ANKS1B: variants seen among roughly 807,000 people sequenced by gnomAD.
The protein encoded by ANKS1B is ankyrin repeat and sterile alpha motif domain containing 1B.
A neutral mutation model predicts 148.3 loss-of-function variants in ANKS1B; 36 were observed. The observed-to-expected ratio is 0.24, with a 90% CI of 0.19 to 0.32. ANKS1B has a LOEUF of 0.32. Ranked by LOEUF, ANKS1B falls within the 10% of genes least tolerant of loss-of-function variation. ANKS1B has a pLI of 1.00. For synonymous variants in ANKS1B, 542 were observed against 560.8 expected, an observed-to-expected ratio of 0.97 and a Z score of 0.47; for missense variants, 1,157 against 1,542.6, an observed-to-expected ratio of 0.75 and a Z score of 4.19.
At chr12:99,134,524 T>G (rs930610670) in intron 15 of ANKS1B, among the ~76,000 whole-genome samples, 7 of 151,378 alleles carry the variant, frequency 4.6e-5, no homozygotes, top group African/African-American at 1.5e-4. Flanking sequence ...GAGGATGAAT[T>G]TAAAGGTCTG....
intron 8 of ANKS1B, among the ~76,000 whole-genome samples, chr12:99,736,364 C>CA (rs995942364): frequency 2.5e-3 from 301 of 118,584 alleles, no homozygotes; most frequent in African/African-American, 8.4e-3. Context: ...GAAACCACCA[C>CA]AAAAAAAAAC....
intron 12 of ANKS1B, among the ~76,000 whole-genome samples, chr12:99,344,663 T>C (rs1478183972): frequency 1.3e-5 from 2 of 152,098 alleles, no homozygotes; most frequent in East Asian, 1.9e-4. Flanking sequence ...AAATATCCTT[T>C]GTATCTAATT....
chr12:98,748,790 G>A (rs530792132), intron 26 of ANKS1B, among the ~76,000 whole-genome samples: 1 of 152,288 alleles, frequency 6.6e-6, no homozygotes, highest in Non-Finnish European at 1.5e-5. Context: ...TATTCTATGA[G>A]CTCTTATGCC....
At chr12:98,892,394 T>A (rs1212425580) in intron 17 of ANKS1B, among the ~76,000 whole-genome samples, 1 of 152,186 alleles carries the variant, frequency 6.6e-6, no homozygotes, top group African/African-American at 2.4e-5. Flanking sequence ...AATAACATCA[T>A]AAACGATTAT....
intron 9 of ANKS1B, among the ~76,000 whole-genome samples, chr12:99,641,827 C>G (rs1050647297): frequency 8.6e-5 from 13 of 151,922 alleles, no homozygotes; most frequent in African/African-American, 3.1e-4. Flanking sequence ...CACTATACAC[C>G]CTTATTGTTG....
At chr12:99,887,905 G>C (rs2092910771) in intron 1 of ANKS1B, among the ~76,000 whole-genome samples, 1 of 152,196 alleles carries the variant, frequency 6.6e-6, no homozygotes, top group Non-Finnish European at 1.5e-5. Context: ...ACCAGGTACA[G>C]AATGGTGGTC....
rs369623068 is a variant in ANKS1B at position 99,489,062 on chromosome 12, T to C, written c.1438+15414A>G. Among the ~76,000 whole-genome samples the C allele has an allele frequency of 5.9e-5, 9 of 152,088 alleles. No individual in the cohort carries two copies. In the South Asian group the frequency reaches 1.0e-3, roughly 18 times the overall value. On this transcript the variant is annotated intron_variant, in intron 10 of 26. Transcript: ENST00000683438. ...TTTGAGACCAGTCTGACCAACATGG[T>C]GAAACCCCAACTCTACTAAAAATAC...
intron 17 of ANKS1B, among the ~76,000 whole-genome samples, chr12:99,025,243 C>T (rs767141027): frequency 6.6e-6 from 1 of 152,100 alleles, no homozygotes; most frequent in Non-Finnish European, 1.5e-5. Context: ...TGATTAGAAG[C>T]TCTATTTGAG....
chr12:99,366,580 C>T (rs1682450748), intron 12 of ANKS1B, among the ~76,000 whole-genome samples: 1 of 152,046 alleles, frequency 6.6e-6, no homozygotes, highest in Non-Finnish European at 1.5e-5. Context: ...ACAAAGTTGG[C>T]ATCTCAAATC....
At chr12:98,868,549 T>C (rs1165522967) in intron 17 of ANKS1B, among the ~76,000 whole-genome samples, 1 of 152,242 alleles carries the variant, frequency 6.6e-6, no homozygotes, top group Non-Finnish European at 1.5e-5. Context: ...TCTCAAAGGT[T>C]GATGACATGA....
chr12:99,714,534 G>A (rs2057048719), intron 8 of ANKS1B, among the ~76,000 whole-genome samples: 1 of 152,080 alleles, frequency 6.6e-6, no homozygotes, highest in Non-Finnish European at 1.5e-5. Context: ...AATATTTCAA[G>A]TTTTTTATTA....
chr12:98,856,630 G>C (rs990202357), intron 17 of ANKS1B, among the ~76,000 whole-genome samples: 1 of 152,150 alleles, frequency 6.6e-6, no homozygotes, highest in Non-Finnish European at 1.5e-5. Context: ...GGTGAGGAGA[G>C]TGGTCAGTGT....
chr12:99,388,589 T>G (rs919582980), intron 12 of ANKS1B, among the ~76,000 whole-genome samples: 3 of 152,156 alleles, frequency 2.0e-5, no homozygotes, highest in Admixed American at 2.0e-4. Flanking sequence ...ACAACGAACT[T>G]AGTGGCTTAC....
intron 9 of ANKS1B, among the ~76,000 whole-genome samples, chr12:99,563,068 T>C (rs1389143431): frequency 6.6e-6 from 1 of 152,192 alleles, no homozygotes; most frequent in African/African-American, 2.4e-5. Flanking sequence ...TTGAAGAGAG[T>C]TAAGCCTTGT....
chr12:99,729,996 T>C (rs1215428882), intron 8 of ANKS1B, among the ~76,000 whole-genome samples: 1 of 152,158 alleles, frequency 6.6e-6, no homozygotes, highest in Non-Finnish European at 1.5e-5. Context: ...CCTCAAGGAG[T>C]TGTAGCTTTG....
In ANKS1B at chr12:99,676,922, G is replaced by A. The variant is rs570180083; in HGVS notation, c.1129-21712C>T. Among the ~76,000 whole-genome samples, 5 of 152,314 alleles carry A rather than the reference G, an allele frequency of 3.3e-5. No individual in the cohort carries two copies. In the East Asian group the frequency reaches 9.6e-4, roughly 29 times the overall value. ...AAATTAGATTTTAAAAGGGAGGAAT[G>A]GAGTAGGAAGAAGGAGAATGTGTTG... On this transcript the variant is annotated intron_variant, in intron 8 of 26. Coordinates refer to ENST00000683438, the MANE Select transcript of ANKS1B (RefSeq NM_001352186.2).
At chr12:99,685,197 A>C (rs1441762243) in intron 8 of ANKS1B, among the ~76,000 whole-genome samples, 1 of 152,216 alleles carries the variant, frequency 6.6e-6, no homozygotes, top group African/African-American at 2.4e-5. Flanking sequence ...ACAAAGGACT[A>C]ATATCCAGAA....
At chr12:99,577,490 A>C (rs2097530136) in intron 9 of ANKS1B, among the ~76,000 whole-genome samples, 1 of 151,688 alleles carries the variant, frequency 6.6e-6, no homozygotes, top group Non-Finnish European at 1.5e-5. Flanking sequence ...GGATAGATTA[A>C]TTAAAAAAGA....
At chr12:99,245,618 A>G (rs1780871030) in intron 13 of ANKS1B, among the ~76,000 whole-genome samples, 1 of 152,234 alleles carries the variant, frequency 6.6e-6, no homozygotes. Context: ...TTGTGCTTCT[A>G]AACCTAATCC....
Sources: gnomAD v4.1 joint callset for allele counts (sites outside exome capture counted in the v4.1 genomes callset) on GRCh38, gnomAD v4.1.1 for gene constraint, MANE v1.5 for transcripts, NCBI Gene and HGNC (gene_info 2026-07-23, HGNC 2026-07-21) for gene names.